LARGE1: variants seen among roughly 807,000 people sequenced by gnomAD.
LARGE1 encodes xylosyl- and glucuronyltransferase LARGE1.
LARGE1 carries 43 observed loss-of-function variants against 87.6 expected under a neutral mutation model. The ratio of observed to expected loss-of-function variants is 0.49; its 90% CI spans 0.38 to 0.63. The LOEUF (loss-of-function observed/expected upper bound fraction) is 0.63. LARGE1 is among the 30% of genes least tolerant of loss of function. The probability of loss-of-function intolerance (pLI) is 0.00; values close to 1 mark genes in which losing one functional copy is unlikely to be tolerated. For missense variants in LARGE1, 802 were observed against 1,000.2 expected, an observed-to-expected ratio of 0.80 and a Z score of 2.67; for synonymous variants, 434 against 394.6, an observed-to-expected ratio of 1.10 and a Z score of -1.18.
intron 12 of LARGE1, among the ~76,000 whole-genome samples, chr22:33,296,420 T>C (rs1434003791): frequency 1.3e-5 from 2 of 152,196 alleles, no homozygotes; most frequent in Non-Finnish European, 2.9e-5. Context: ...TAGGATACAT[T>C]TGGCAAATAC....
chr22:33,873,409 G>A (rs79782848), intron 1 of LARGE1: 1 of 152,400 alleles, frequency 6.6e-6, no homozygotes, highest in African/African-American at 2.4e-5. Flanking sequence ...TCTGAATGGT[G>A]TCAGATGGAG....
intron 4 of LARGE1, among the ~76,000 whole-genome samples, chr22:33,612,017 G>A (rs2079444063): frequency 6.6e-6 from 1 of 152,200 alleles, no homozygotes; most frequent in African/African-American, 2.4e-5. Flanking sequence ...CAGAGGCCGA[G>A]CAGATGCTGG....
At chr22:33,680,205 A>T (rs1240320223) in intron 2 of LARGE1, among the ~76,000 whole-genome samples, 1 of 152,166 alleles carries the variant, frequency 6.6e-6, no homozygotes, top group African/African-American at 2.4e-5. Context: ...GTAAGTGGAG[A>T]AGTAAGCGAG....
At chr22:33,626,437 T>A in intron 3 of LARGE1, 111 bp from the exon 4 acceptor site, 1 of 820,342 alleles carries the variant, frequency 1.2e-6, no homozygotes, top group South Asian at 1.4e-5. Context: ...TTGGCATCAT[T>A]AGAAAACAAA....
intron 1 of LARGE1, among the ~76,000 whole-genome samples, chr22:33,869,219 G>A (rs995543802): frequency 1.3e-5 from 2 of 151,928 alleles, no homozygotes; most frequent in African/African-American, 4.8e-5. Flanking sequence ...CTTGTCTGTC[G>A]GTTGGCTACT....
rs1278739278 is a variant in LARGE1, at chr22:33,384,285, C to T, written c.912G>A (p.Leu304=). ...CCCATTTCATCTTCCGCAGCTTATC[C>T]AGAAGTAACAGGATCACCCCTGGGC... ...GYNTGVILLL[L]DKLRKMKWEQ... is the part of the protein sequence containing the mutation. The change falls in exon 8 of 15, where the codon CTG becomes CTA. Residue 304 remains leucine (L), a synonymous_variant. Coordinates refer to ENST00000397394, the MANE Select transcript of LARGE1 (RefSeq NM_133642.5). 19 of 1,613,746 alleles carry T rather than the reference C, an allele frequency of 1.2e-5. No homozygotes were observed. Among genetic ancestry groups the T allele is most frequent in the Non-Finnish European group, 1.6e-5 (19 of 1,179,858 alleles).
At chr22:33,462,443 ATAGTGAGAAAAAAAAACAGCAACTT>A (rs2068418792) in intron 6 of LARGE1, among the ~76,000 whole-genome samples, 1 of 152,308 alleles carries the variant, frequency 6.6e-6, no homozygotes, top group East Asian at 1.9e-4. Flanking sequence ...AATGTGAAGA[ATAGTGAGAAAAAAAAACAGCAACTT>A]TATAGATAAA....
rs968923312 is a variant in LARGE1 at position 33,920,412 on chromosome 22, A to G, written c.-500T>C. The G allele has an allele frequency of 2.7e-5, 4 of 149,452 alleles. No homozygotes were observed. The highest frequency in any genetic ancestry group is 5.9e-5 in the Non-Finnish European group (4 of 67,266). 9.3% of individuals were successfully genotyped at this position (149,452 alleles called of 1,614,324 possible). ...TGCCCGCGAACAGCCCGGCGAGACG[A>G]GCGCGGCCGCGCCCCCAGCTTCGGG... is the stretch of plus-strand genomic sequence containing the variant. On this transcript the variant is annotated 5_prime_UTR_variant, in exon 1 of 15. Transcript: ENST00000397394.
At chr22:33,573,350 A>G (rs1042458858) in intron 5 of LARGE1, among the ~76,000 whole-genome samples, 1 of 152,050 alleles carries the variant, frequency 6.6e-6, no homozygotes, top group Non-Finnish European at 1.5e-5. Context: ...GAGGCAGTAG[A>G]ACCACTTGAA....
chr22:33,907,893 G>A lies in LARGE1; in HGVS notation c.-83+12102C>T, dbSNP rs563812092. 3.3e-5 allele frequency among the ~76,000 whole-genome samples: 5 copies of A among 152,232 alleles called. No homozygotes were observed. In the South Asian group the frequency reaches 6.2e-4, roughly 19 times the overall value. On this transcript the variant is annotated intron_variant, in intron 1 of 14. Transcript: ENST00000397394. ...ATTCCAGGCGTAAGCCACCGTGCCC[G>A]GCCTGTGTGAAGACATTTCTAGGTC...
Position 33,304,535 on chromosome 22 carries a change from G to A in LARGE1, c.1452-28C>T, listed in dbSNP as rs76647066. 7.3e-3 allele frequency: 11,319 copies of A among 1,544,884 alleles called. 709 individuals carry two copies. The African/African-American group carries it at 0.14, about 19-fold the overall frequency. ...GGAAGAGACAGGGAGGGTGAGCCGC[G>A]GGACCTGGGCCATCCATGCATCATC... is the stretch of plus-strand genomic sequence containing the variant. On this transcript the variant is annotated intron_variant, in intron 11 of 14. Transcript: ENST00000397394.
intron 1 of LARGE1, among the ~76,000 whole-genome samples, chr22:33,906,078 C>A (rs920709432): frequency 6.6e-6 from 1 of 152,024 alleles, no homozygotes; most frequent in African/African-American, 2.4e-5. Context: ...TGCAGTGAGC[C>A]GAGATTGCGC....
intron 1 of LARGE1, among the ~76,000 whole-genome samples, chr22:33,878,919 A>T (rs2064570689): frequency 6.6e-6 from 1 of 151,956 alleles, no homozygotes; most frequent in Non-Finnish European, 1.5e-5. Flanking sequence ...TGATATTCAG[A>T]TGCTTTCAAT....
intron 3 of LARGE1, among the ~76,000 whole-genome samples, chr22:33,639,792 C>A (rs549840520): frequency 6.6e-6 from 1 of 152,160 alleles, no homozygotes; most frequent in Non-Finnish European, 1.5e-5. Context: ...CAAAGGGGAT[C>A]GTTCTGCTCC....
At chr22:33,071,979 T>C in the LARGE1 span, among the ~76,000 whole-genome samples, 3 of 152,144 alleles carry the variant, frequency 2.0e-5, no homozygotes, top group African/African-American at 7.2e-5. Flanking sequence ...CTTGTTTTGA[T>C]CCCCTAAATG....
the LARGE1 span, among the ~76,000 whole-genome samples, chr22:33,082,971 G>A: frequency 2.0e-5 from 3 of 152,170 alleles, no homozygotes; most frequent in African/African-American, 7.2e-5. Context: ...CTTGCAGTGA[G>A]CTGAGATCAT....
chr22:33,669,141 C>T (rs1008402212), intron 2 of LARGE1, among the ~76,000 whole-genome samples: 20 of 152,336 alleles, frequency 1.3e-4, no homozygotes, highest in African/African-American at 3.8e-4. Context: ...GAGTTACTAG[C>T]GATGTTGACT....
chr22:33,408,050 G>A lies in LARGE1; in HGVS notation c.893-23746C>T, dbSNP rs529630839. ...GGCTGGAGTGCAGTGGCACGATCTC[G>A]GCTCACTGCAACCTCTGCCTCCTGG... On this transcript the variant is annotated intron_variant, in intron 7 of 14. Coordinates refer to ENST00000397394, the MANE Select transcript of LARGE1 (RefSeq NM_133642.5). 2.8e-3 allele frequency among the ~76,000 whole-genome samples: 425 copies of A among 150,114 alleles called. 1 individual carries two copies. Among genetic ancestry groups the A allele is most frequent in the African/African-American group, 9.3e-3 (379 of 40,812 alleles).
At chr22:33,750,367 T>C (rs1340273332) in intron 2 of LARGE1, among the ~76,000 whole-genome samples, 2 of 152,196 alleles carry the variant, frequency 1.3e-5, no homozygotes, top group Admixed American at 6.5e-5. Context: ...ACTTCTTATG[T>C]GCAATCTCCC....
Sources: gnomAD v4.1 joint callset for allele counts (sites outside exome capture counted in the v4.1 genomes callset) on GRCh38, gnomAD v4.1.1 for gene constraint, MANE v1.5 for transcripts, NCBI Gene and HGNC (gene_info 2026-07-23, HGNC 2026-07-21) for gene names.